Variants in TTC12 observed in about 807,000 individuals in gnomAD.
TTC12 encodes the protein tetratricopeptide repeat protein 12.
In TTC12, 70 loss-of-function variants were observed where a neutral mutation model predicts 90.1. The ratio of observed to expected loss-of-function variants is 0.78; its 90% CI spans 0.64 to 0.95. TTC12 has a LOEUF of 0.95. Ranked by LOEUF, TTC12 falls within the 40% of genes least tolerant of loss-of-function variation. TTC12 has a pLI of 0.00. For synonymous variants in TTC12, 296 were observed against 311.5 expected (o/e 0.95, Z 0.53); for missense variants, 819 against 846.1 (o/e 0.97, Z 0.40).
intron 7 of TTC12, among the ~76,000 whole-genome samples, chr11:113,333,754 A>C (rs1948192990): frequency 6.6e-6 from 1 of 152,198 alleles, no homozygotes; most frequent in Admixed American, 6.5e-5. Flanking sequence ...CTTAGCAGTG[A>C]ATTGAGAAAT....
chr11:113,317,406 G>A (rs1170505747), intron 2 of TTC12, among the ~76,000 whole-genome samples: 1 of 151,894 alleles, frequency 6.6e-6, no homozygotes, highest in Non-Finnish European at 1.5e-5. Context: ...AGGTCATCTG[G>A]GACTCCTCCC....
At chr11:113,324,226 C>A in intron 4 of TTC12, 1 of 556,010 alleles carries the variant, frequency 1.8e-6, no homozygotes, top group African/African-American at 1.9e-5. Flanking sequence ...CTTTTGTAAA[C>A]TCAATTCAGT....
intron 2 of TTC12, 131 bp downstream of exon 2, chr11:113,316,446 A>C: frequency 2.3e-6 from 1 of 433,714 alleles, no homozygotes; most frequent in Non-Finnish European, 4.1e-6. Flanking sequence ...AATTAAAGAG[A>C]AGGGTATTGA....
chr11:113,364,935 G>A lies in TTC12; in HGVS notation c.1917G>A (p.Ala639=), dbSNP rs147254715. ...LGNCMEVPNV[A]SSLLKTDLLQ... is the part of the protein sequence containing the mutation. ...ACTGCATGGAGGTGCCCAACGTTGCGTCTTCCCTGCTAAAGACGGACCTTT... is the reference window on the plus strand; with the variant it reads ...ACTGCATGGAGGTGCCCAACGTTGCATCTTCCCTGCTAAAGACGGACCTTT... Residue 639 remains alanine (A), a synonymous_variant, in exon 21 of 22, where the codon GCG becomes GCA. Transcript: ENST00000529221. 6.5e-5 allele frequency: 105 copies of A among 1,614,016 alleles called. 1 individual carries two copies. The highest frequency in any genetic ancestry group is 3.3e-4 in the Middle Eastern group (2 of 6,084).
At chr11:113,363,083 A>G (rs892228079) in intron 19 of TTC12, among the ~76,000 whole-genome samples, 22 of 152,234 alleles carry the variant, frequency 1.4e-4, no homozygotes, top group African/African-American at 5.1e-4. Flanking sequence ...GTGTGTGCCC[A>G]TGAGGTCCAT....
At chr11:113,352,295 T>C (rs1371839536) in intron 16 of TTC12, 88 bp downstream of exon 16, 2 of 1,576,534 alleles carry the variant, frequency 1.3e-6, no homozygotes, top group South Asian at 1.1e-5. Context: ...CCAAAAATTC[T>C]GTTTCTGTGG....
At chr11:113,318,712 A>G (rs781944795) in intron 2 of TTC12, among the ~76,000 whole-genome samples, 2 of 152,228 alleles carry the variant, frequency 1.3e-5, no homozygotes, top group African/African-American at 2.4e-5. Flanking sequence ...GGTCACTGGG[A>G]AAATGACAGG....
Position 113,324,686 on chromosome 11 carries a change from A to G in TTC12, c.322+4A>G, listed in dbSNP as rs1177266594. On this transcript the variant is annotated splice_donor_region_variant and intron_variant, in intron 5 of 21. Transcript: ENST00000529221. ...GAAAACAAAGTCTTGGCGGATGGTA[A>G]TTGTCAGTCCTTACTTTTCAATGGC... is the stretch of plus-strand genomic sequence containing the variant. 10 of 1,613,002 alleles carry G rather than the reference A, an allele frequency of 6.2e-6. No homozygotes were observed. The highest frequency in any genetic ancestry group is 8.5e-7 in the Non-Finnish European group (1 of 1,179,382).
At chr11:113,345,025 A>T (rs1168819532) in intron 13 of TTC12, among the ~76,000 whole-genome samples, 1 of 152,154 alleles carries the variant, frequency 6.6e-6, no homozygotes, top group African/African-American at 2.4e-5. Context: ...TATTTTTTAA[A>T]TCATTTATTT....
intron 19 of TTC12, among the ~76,000 whole-genome samples, chr11:113,363,331 C>T (rs1950036915): frequency 6.6e-6 from 1 of 152,266 alleles, no homozygotes; most frequent in Admixed American, 6.5e-5. Context: ...CATACGTGCA[C>T]ACATGCCTTT....
chr11:113,323,017 C>T (rs555117357), intron 2 of TTC12, among the ~76,000 whole-genome samples: 1 of 150,910 alleles, frequency 6.6e-6, no homozygotes, highest in Non-Finnish European at 1.5e-5. Flanking sequence ...AATGAGCTCT[C>T]CATAAATTAT....
chr11:113,343,937 T>C (rs1555147005), intron 12 of TTC12, among the ~76,000 whole-genome samples: 1 of 152,208 alleles, frequency 6.6e-6, no homozygotes, highest in Non-Finnish European at 1.5e-5. Context: ...CCAAGGAAGT[T>C]TGACAATAAT....
intron 21 of TTC12, 24 bp downstream of exon 21, chr11:113,365,084 G>A (rs1471753949): frequency 2.5e-6 from 4 of 1,604,806 alleles, no homozygotes. Context: ...ACGGAGCCAG[G>A]CTGACCTATT....
chr11:113,327,069 T>C lies in TTC12; in HGVS notation c.444+1424T>C, dbSNP rs1282729736. ...ATTCAGTTGTGTTACTCTGAAATTATTTGAAAGCAACAAAATTGAATTGCT... is the reference window on the plus strand; with the variant it reads ...ATTCAGTTGTGTTACTCTGAAATTACTTGAAAGCAACAAAATTGAATTGCT... On this transcript the variant is annotated intron_variant, in intron 6 of 21. Transcript: ENST00000529221. 2.0e-5 allele frequency among the ~76,000 whole-genome samples: 3 copies of C among 152,370 alleles called. No homozygotes were observed. The South Asian group carries it at 6.2e-4, about 32-fold the overall frequency.
chr11:113,343,235 C>G (rs1345480808), intron 12 of TTC12, among the ~76,000 whole-genome samples: 3 of 152,160 alleles, frequency 2.0e-5, no homozygotes, highest in African/African-American at 7.2e-5. Context: ...TGAATAATAG[C>G]TCCTTTGGGG....
At chr11:113,354,875 ATATTT>A (rs533986113) in intron 16 of TTC12, among the ~76,000 whole-genome samples, 10 of 150,764 alleles carry the variant, frequency 6.6e-5, no homozygotes, top group African/African-American at 2.5e-4. Flanking sequence ...TTTGTTGAGG[ATATTT>A]GCATGAATCT....
At chr11:113,350,216 A>G in intron 14 of TTC12, 51 bp downstream of exon 14, 7 of 1,370,562 alleles carry the variant, frequency 5.1e-6, no homozygotes, top group Non-Finnish European at 7.3e-6. Context: ...TCTTTGTTGA[A>G]CTGTCTGATC....
Position 113,366,246 on chromosome 11 carries a change from G to C in TTC12, c.2064G>C (p.Lys688Asn), listed in dbSNP as rs1171685639. 6.2e-7 allele frequency: 1 copy of C among 1,613,578 alleles called. No individual in the cohort carries two copies. The highest frequency in any genetic ancestry group is 1.1e-5 in the South Asian group (1 of 91,080). ...ACAGATTTGCTGCTCAACTGAGAAAGCTTCATGGCCTAGAAATTCTCAACT... is the reference window on the plus strand; with the variant it reads ...ACAGATTTGCTGCTCAACTGAGAAACCTTCATGGCCTAGAAATTCTCAACT... ...AEPRFAAQLR[K>N]LHGLEILNST... Residue 688 changes from lysine (K) to asparagine (N), a missense_variant, in exon 22 of 22, where the codon AAG (lysine) becomes AAC (asparagine). By Grantham distance (94) the Lys-to-Asn change is moderately conservative. Transcript: ENST00000529221.
Position 113,359,386 on chromosome 11 carries a change from C to A in TTC12, c.1470C>A (p.Asp490Glu). The change falls in exon 17 of 22, where the codon GAC becomes GAA. Residue 490 changes from aspartate (D) to glutamate (E), a missense_variant. Transcript: ENST00000529221. ...SLLARCEEDVDLFREVIYTLL... is the reference protein window; with the variant it reads ...SLLARCEEDVELFREVIYTLL... ...AGGCCAGGTGTGAGGAGGATGTGGACCTGTTCAGAGAGGTTATCTACACAC... is the reference window on the plus strand; with the variant it reads ...AGGCCAGGTGTGAGGAGGATGTGGAACTGTTCAGAGAGGTTATCTACACAC... The A allele has an allele frequency of 6.2e-7, 1 of 1,610,948 alleles. No homozygotes were observed. Among genetic ancestry groups the A allele is most frequent in the Non-Finnish European group, 8.5e-7 (1 of 1,177,688 alleles).
Sources: gnomAD v4.1 joint callset for allele counts (sites outside exome capture counted in the v4.1 genomes callset) on GRCh38, gnomAD v4.1.1 for gene constraint, MANE v1.5 for transcripts, NCBI Gene and HGNC (gene_info 2026-07-23, HGNC 2026-07-21) for gene names.